Variants in MBL2 observed in about 807,000 individuals in gnomAD.
MBL2 encodes mannose-binding protein C.
MBL2 carries 6 observed loss-of-function variants against 12.7 expected under a neutral mutation model. The observed-to-expected ratio is 0.47, with a 90% CI of 0.26 to 0.94. The LOEUF (loss-of-function observed/expected upper bound fraction) is 0.94. MBL2 is among the 40% of genes least tolerant of loss of function. MBL2 has a pLI of 0.15. For synonymous variants in MBL2, 114 were observed against 112.0 expected, an observed-to-expected ratio of 1.02 and a Z score of -0.11; for missense variants, 307 against 295.2, an observed-to-expected ratio of 1.04 and a Z score of -0.29.
In MBL2 at chr10:52,769,882, A is replaced by T. The variant is rs536456586; in HGVS notation, c.305-567T>A. Among the ~76,000 whole-genome samples the T allele has an allele frequency of 2.6e-4, 40 of 151,268 alleles. No individual in the cohort carries two copies. The Middle Eastern group carries it at 0.01, about 39-fold the overall frequency. On this transcript the variant is annotated intron_variant, in intron 3 of 4. Coordinates refer to ENST00000674931, the MANE Select transcript of MBL2 (RefSeq NM_001378373.1). ...GTAGTAGATGGCAAAAATGGCCTCA[A>T]TAGGGTACAGCTCCTCGCATTAAGA...
chr10:52,769,043 C>A (rs935591094), intron 4 of MBL2, among the ~76,000 whole-genome samples: 4 of 151,954 alleles, frequency 2.6e-5, no homozygotes, highest in African/African-American at 9.7e-5. Context: ...ACCACCCCTG[C>A]CATTTATTAG....
chr10:52,769,570 T>C (rs747113648), intron 3 of MBL2, among the ~76,000 whole-genome samples: 1 of 152,174 alleles, frequency 6.6e-6, no homozygotes, highest in Non-Finnish European at 1.5e-5. Flanking sequence ...TGCACACATA[T>C]ACTCCCTGAT....
chr10:52,771,844 T>C (rs975346722), intron 1 of MBL2, 200 bp from the exon 2 acceptor site: 25 of 694,594 alleles, frequency 3.6e-5, no homozygotes, highest in Non-Finnish European at 3.6e-5. Context: ...GGCACTATGA[T>C]GAGCAGTGGG....
chr10:52,768,329 G>T lies in MBL2; in HGVS notation c.555C>A (p.Gly185=), dbSNP rs780508871. 6.2e-7 allele frequency: 1 copy of T among 1,613,792 alleles called. No homozygotes were observed. The highest frequency in any genetic ancestry group is 2.2e-5 in the East Asian group (1 of 44,880). ...GCCCTTCTGTCTTCTCATCAGTGAT[G>T]CCCAGGAAGGCTTCCTCCTTGATGA... ...QNLIKEEAFL[G]ITDEKTEGQF... Residue 185 remains glycine (G), a synonymous_variant, in exon 5 of 5, where the codon GGC becomes GGA. Coordinates refer to ENST00000674931, the MANE Select transcript of MBL2 (RefSeq NM_001378373.1).
intron 3 of MBL2, among the ~76,000 whole-genome samples, chr10:52,770,050 A>G (rs1458688607): frequency 6.6e-6 from 1 of 152,198 alleles, no homozygotes; most frequent in Non-Finnish European, 1.5e-5. Context: ...GAATCCTGTA[A>G]TCACTGCTAT....
At position 52,770,790 on chromosome 10, in the gene MBL2, T is replaced by C; in HGVS notation, c.188-4A>G. ...TGTAAGCCTCTGAGCCCTTGGCCTG[T>C]TGGAAGACAAAGGAAATGTGACTTA... On this transcript the variant is annotated splice_polypyrimidine_tract_variant and splice_region_variant and intron_variant, in intron 2 of 4. Transcript: ENST00000674931. The C allele has an allele frequency of 2.1e-6, 3 of 1,419,408 alleles. No homozygotes were observed. Among genetic ancestry groups the C allele is most frequent in the Non-Finnish European group, 2.8e-6 (3 of 1,071,890 alleles). 87.9% of individuals were successfully genotyped at this position (1,419,408 alleles called of 1,614,324 possible).
intron 4 of MBL2, 104 bp from the exon 5 acceptor site, chr10:52,768,614 T>G: frequency 1.4e-6 from 1 of 718,566 alleles, no homozygotes; most frequent in Non-Finnish European, 2.2e-6. Flanking sequence ...TAAAATATAG[T>G]ATGTCCAGTT....
rs1422638461 is a variant in MBL2 at position 52,766,552 on chromosome 10, AT to A, written c.*1584del. 6.6e-6 allele frequency: 1 copy of A among 152,196 alleles called. No homozygotes were observed. Among genetic ancestry groups the A allele is most frequent in the African/African-American group, 2.4e-5 (1 of 41,456 alleles). The allele number at this position is 152,196 out of a possible 1,614,324, so 9.4% of individuals were successfully genotyped here. A position where few individuals can be genotyped will look rare whatever the true frequency, so the allele number is the denominator to read the frequency against. On this transcript the variant is annotated 3_prime_UTR_variant, in exon 5 of 5. Coordinates refer to ENST00000674931, the MANE Select transcript of MBL2 (RefSeq NM_001378373.1). ...AAAATATCTTCATGATTTCAAAATCATGAAAAATCTCTTCATGGTTTCAAAA... is the reference window on the plus strand; with the variant it reads ...AAAATATCTTCATGATTTCAAAATCAGAAAAATCTCTTCATGGTTTCAAAA...
chr10:52,771,998 G>A (rs976091223), intron 1 of MBL2, among the ~76,000 whole-genome samples: 4 of 150,950 alleles, frequency 2.6e-5, no homozygotes, highest in Admixed American at 6.6e-5. Flanking sequence ...ATGAGAATGA[G>A]TGGAAACCCA....
At chr10:52,769,070 A>C (rs989361987) in intron 4 of MBL2, among the ~76,000 whole-genome samples, 177 bp downstream of exon 4, 7 of 152,048 alleles carry the variant, frequency 4.6e-5, no homozygotes, top group Admixed American at 4.6e-4. Flanking sequence ...GCATTTGAAC[A>C]AGTAATTTAA....
intron 4 of MBL2, among the ~76,000 whole-genome samples, chr10:52,768,843 C>G (rs1407622512): frequency 1.3e-5 from 2 of 151,994 alleles, no homozygotes; most frequent in Non-Finnish European, 2.9e-5. Context: ...ATAATTTGGA[C>G]TTCTGAATTC....
chr10:52,772,161 C>T (rs1198654489), intron 1 of MBL2, among the ~76,000 whole-genome samples: 1 of 152,192 alleles, frequency 6.6e-6, no homozygotes, highest in East Asian at 1.9e-4. Flanking sequence ...AGCTGGTGAT[C>T]CAAAGAGGAA....
chr10:52,770,060 T>C (rs1255329622), intron 3 of MBL2, among the ~76,000 whole-genome samples: 1 of 152,224 alleles, frequency 6.6e-6, no homozygotes, highest in African/African-American at 2.4e-5. Context: ...ATCACTGCTA[T>C]GTGAACAAGC....
At position 52,768,329 on chromosome 10, in the gene MBL2, G is replaced by A. The variant is rs780508871; in HGVS notation, c.555C>T (p.Gly185=). 6.2e-7 allele frequency: 1 copy of A among 1,613,792 alleles called. No homozygotes were observed. Among genetic ancestry groups the A allele is most frequent in the Non-Finnish European group, 8.5e-7 (1 of 1,179,944 alleles). Reference sequence around the variant, plus strand: ...GCCCTTCTGTCTTCTCATCAGTGATGCCCAGGAAGGCTTCCTCCTTGATGA... The same window carrying A: ...GCCCTTCTGTCTTCTCATCAGTGATACCCAGGAAGGCTTCCTCCTTGATGA... ...QNLIKEEAFL[G]ITDEKTEGQF... is the part of the protein sequence containing the mutation. The change falls in exon 5 of 5, where the codon GGC becomes GGT. Residue 185 remains glycine, a synonymous_variant. Coordinates refer to ENST00000674931, the MANE Select transcript of MBL2 (RefSeq NM_001378373.1).
chr10:52,769,373 A>G (rs576006105), intron 3 of MBL2, 58 bp from the exon 4 acceptor site: 1 of 1,020,300 alleles, frequency 9.8e-7, no homozygotes, highest in Non-Finnish European at 1.5e-6. Context: ...AGAACTGTGC[A>G]TATACAAGGG....
In MBL2 at chr10:52,768,146, G is replaced by C. The variant is rs376149426; in HGVS notation, c.738C>G (p.Phe246Leu). Residue 246 changes from phenylalanine to leucine, a missense_variant, in exon 5 of 5, where the codon TTC becomes TTG. Coordinates refer to ENST00000674931, the MANE Select transcript of MBL2 (RefSeq NM_001378373.1). ...TGAGTGATATGACCCTTCAGATAGG[G>C]AACTCACAGACGGCCAGATGGGAGG... is the stretch of plus-strand genomic sequence containing the variant. ...CSTSHLAVCE[F>L]PI 1.9e-6 allele frequency: 3 copies of C among 1,602,680 alleles called. No individual in the cohort carries two copies. The highest frequency in any genetic ancestry group is 2.6e-6 in the Non-Finnish European group (3 of 1,174,298).
rs954148026 is a variant in MBL2, at chr10:52,767,500, G to A, written c.*637C>T. 2 of 151,860 alleles carry A rather than the reference G, an allele frequency of 1.3e-5. No individual in the cohort carries two copies. The highest frequency in any genetic ancestry group is 2.4e-5 in the African/African-American group (1 of 41,210). 9.4% of individuals were successfully genotyped at this position (151,860 alleles called of 1,614,324 possible). On this transcript the variant is annotated 3_prime_UTR_variant, in exon 5 of 5. Coordinates refer to ENST00000674931, the MANE Select transcript of MBL2 (RefSeq NM_001378373.1). Reference sequence around the variant, plus strand: ...AGTTAGTACTAGGAGGAGTTATAACGGGGCTTCTAGGGAGTCAAAAATGTC... The same window carrying A: ...AGTTAGTACTAGGAGGAGTTATAACAGGGCTTCTAGGGAGTCAAAAATGTC...
Position 52,768,466 on chromosome 10 carries a change from G to T in MBL2, c.418C>A (p.Leu140Met). The T allele has an allele frequency of 6.3e-7, 1 of 1,597,400 alleles. No homozygotes were observed. Among genetic ancestry groups the T allele is most frequent in the Non-Finnish European group, 8.5e-7 (1 of 1,173,342 alleles). The change falls in exon 5 of 5, where the codon CTG becomes ATG. Residue 140 changes from leucine (L) to methionine (M), a missense_variant. Leu to Met is a conservative substitution (Grantham distance 15, BLOSUM62 2). Transcript: ENST00000674931. ...LGKQVGNKFF[L>M]TNGEIMTFEK... is the part of the protein sequence containing the mutation. ...AAGGTCATTATTTCACCATTGGTCAGGAAGAACTTGTTCCCAACTTGTTTG... is the reference window on the plus strand; with the variant it reads ...AAGGTCATTATTTCACCATTGGTCATGAAGAACTTGTTCCCAACTTGTTTG...
chr10:52,768,877 C>A (rs1304063104), intron 4 of MBL2, among the ~76,000 whole-genome samples: 6 of 151,926 alleles, frequency 3.9e-5, no homozygotes, highest in Non-Finnish European at 5.9e-5. Context: ...TGAGACCAAA[C>A]AAAAAATGTC....
Sources: allele counts gnomAD v4.1 joint callset (sites outside exome capture counted in the v4.1 genomes callset), GRCh38; gene constraint gnomAD v4.1.1; transcripts MANE v1.5; gene names NCBI Gene and HGNC (gene_info 2026-07-23, HGNC 2026-07-21).